The following SHANK2 variants were observed in gnomAD, a reference collection of about 807,000 sequenced individuals.
SHANK2 encodes the protein SH3 and multiple ankyrin repeat domains 2.
Under a neutral mutation model 133.7 loss-of-function variants are expected in SHANK2, and 43 were observed. That is an observed-to-expected ratio of 0.32 (90% CI 0.25 to 0.41). The LOEUF (loss-of-function observed/expected upper bound fraction) is 0.41, where lower values mean the gene tolerates loss of function less well. Ranked by LOEUF, SHANK2 falls within the 10% of genes least tolerant of loss-of-function variation. The probability of loss-of-function intolerance (pLI) is 1.00; values close to 1 mark genes in which losing one functional copy is unlikely to be tolerated. For missense variants in SHANK2, 1,994 were observed against 2,235.8 expected (o/e 0.89, Z 2.18); for synonymous variants, 1,017 against 952.8 (o/e 1.07, Z -1.24).
At chr11:71,201,618 C>G (rs1954021936) in intron 2 of SHANK2, among the ~76,000 whole-genome samples, 1 of 152,208 alleles carries the variant, frequency 6.6e-6, no homozygotes, top group Non-Finnish European at 1.5e-5. Context: ...TAAGATAAAT[C>G]CAGTGACTAT....
intron 23 of SHANK2, chr11:70,490,042 C>T (rs1555155344): frequency 2.3e-6 from 1 of 426,252 alleles, no homozygotes; most frequent in African/African-American, 2.0e-5. Context: ...ACAGAAGCCA[C>T]CCTAGATTTT....
intron 2 of SHANK2, among the ~76,000 whole-genome samples, chr11:71,218,691 C>A (rs1954469467): frequency 6.6e-6 from 1 of 152,178 alleles, no homozygotes; most frequent in African/African-American, 2.4e-5. Context: ...CACACCCAAT[C>A]TCCATCAACT....
At chr11:71,142,807 T>A (rs1952581637) in intron 3 of SHANK2, among the ~76,000 whole-genome samples, 1 of 141,220 alleles carries the variant, frequency 7.1e-6, no homozygotes, top group Non-Finnish European at 1.5e-5. Context: ...TTTAGGAATC[T>A]AGTCCAAAAA....
At chr11:71,206,693 T>G (rs1954133173) in intron 2 of SHANK2, among the ~76,000 whole-genome samples, 1 of 152,170 alleles carries the variant, frequency 6.6e-6, no homozygotes, top group Non-Finnish European at 1.5e-5. Context: ...CCCAGCATTT[T>G]GCAAGGCCGA....
At chr11:70,507,187 C>T (rs2059147364) in intron 17 of SHANK2, among the ~76,000 whole-genome samples, 1 of 152,208 alleles carries the variant, frequency 6.6e-6, no homozygotes, top group Admixed American at 6.5e-5. Flanking sequence ...GCCTCCTGGG[C>T]CCTGACGTCA....
chr11:70,794,180 C>T (rs576478556), intron 14 of SHANK2, among the ~76,000 whole-genome samples: 1 of 150,738 alleles, frequency 6.6e-6, no homozygotes, highest in South Asian at 2.1e-4. Context: ...ACTAGGGAGG[C>T]TGAGGCATGA....
intron 15 of SHANK2, among the ~76,000 whole-genome samples, chr11:70,680,982 C>T (rs1243393717): frequency 6.6e-6 from 1 of 152,166 alleles, no homozygotes; most frequent in Non-Finnish European, 1.5e-5. Flanking sequence ...TGAACCATCC[C>T]CGTCAATGCT....
chr11:70,642,905 T>C (rs1298617963), intron 17 of SHANK2, among the ~76,000 whole-genome samples: 2 of 152,226 alleles, frequency 1.3e-5, no homozygotes, highest in African/African-American at 2.4e-5. Flanking sequence ...CAGTTAATAA[T>C]AATTTATTGC....
intron 8 of SHANK2, among the ~76,000 whole-genome samples, chr11:71,086,386 TATG>T (rs1344182666): frequency 1.5e-5 from 2 of 130,244 alleles, no homozygotes; most frequent in East Asian, 4.4e-4. Context: ...ATTTATAATA[TATG>T]ATATATGATA....
At chr11:70,693,290 A>G (rs1467685088) in intron 15 of SHANK2, among the ~76,000 whole-genome samples, 1 of 152,140 alleles carries the variant, frequency 6.6e-6, no homozygotes, top group African/African-American at 2.4e-5. Flanking sequence ...GTGCGAGAAG[A>G]CCCAACTCTT....
rs117107176 is a variant in SHANK2, at chr11:70,537,977, C to A, written c.2062-35046G>T. Among the ~76,000 whole-genome samples the A allele has an allele frequency of 8.4e-4, 128 of 152,320 alleles. No individual in the cohort carries two copies. The East Asian group carries it at 0.02, about 23-fold the overall frequency. ...TTTACATTGAGAGGGCAGCGAGAGA[C>A]CCCATGAGTGTCACAAAACAGTGAT... On this transcript the variant is annotated intron_variant, in intron 17 of 25. Coordinates refer to ENST00000601538, the MANE Select transcript of SHANK2 (RefSeq NM_012309.5).
At chr11:71,212,535 T>G (rs1408631545) in intron 2 of SHANK2, among the ~76,000 whole-genome samples, 1 of 152,184 alleles carries the variant, frequency 6.6e-6, no homozygotes, top group Non-Finnish European at 1.5e-5. Context: ...ATGTGGCTGT[T>G]TCCAGGGGCT....
chr11:70,698,990 A>G (rs1945461979), intron 14 of SHANK2, among the ~76,000 whole-genome samples: 1 of 152,182 alleles, frequency 6.6e-6, no homozygotes, highest in South Asian at 2.1e-4. Flanking sequence ...AGTCAGGAGC[A>G]CTACTCCCTA....
chr11:70,931,515 C>T (rs974337082), intron 10 of SHANK2, among the ~76,000 whole-genome samples: 5 of 152,312 alleles, frequency 3.3e-5, no homozygotes, highest in African/African-American at 9.6e-5. Flanking sequence ...GGCGTGGCCA[C>T]GGCAAGTCAG....
In SHANK2 at chr11:70,487,056, G is replaced by T. The variant is rs782694495; in HGVS notation, c.3237C>A (p.Ala1079=). ...DESLTVSSPF[A]AAIAGAVRDR... ...CGCGGACGGCTCCGGCGATGGCGGC[G>T]GCAAAGGGGCTGCTGACGGTCAGGC... Residue 1079 remains alanine, a synonymous_variant, in exon 25 of 26, where the codon GCC becomes GCA. Coordinates refer to ENST00000601538, the MANE Select transcript of SHANK2 (RefSeq NM_012309.5). The surrounding 1 kb of genome is among the most constrained non-coding windows in gnomAD (Gnocchi z 5.8). 1 of 1,608,974 alleles carries T rather than the reference G, an allele frequency of 6.2e-7. No individual in the cohort carries two copies. Among genetic ancestry groups the T allele is most frequent in the Non-Finnish European group, 8.5e-7 (1 of 1,179,692 alleles).
intron 9 of SHANK2, among the ~76,000 whole-genome samples, chr11:71,068,494 G>A (rs1006842277): frequency 1.6e-4 from 25 of 152,308 alleles, no homozygotes; most frequent in African/African-American, 5.8e-4. Context: ...CCATGACTGT[G>A]TATTTGGCGA....
chr11:70,506,753 A>G (rs2059142496), intron 17 of SHANK2, among the ~76,000 whole-genome samples: 1 of 152,098 alleles, frequency 6.6e-6, no homozygotes, highest in African/African-American at 2.4e-5. Flanking sequence ...CAGAATCAGC[A>G]TATTATTGGG....
At chr11:70,624,539 A>G (rs1357563622) in intron 17 of SHANK2, among the ~76,000 whole-genome samples, 2 of 152,006 alleles carry the variant, frequency 1.3e-5, no homozygotes, top group Non-Finnish European at 2.9e-5. Flanking sequence ...CTTCAAAAAA[A>G]AAAAAAAGAA....
chr11:70,580,639 C>T (rs1468586423), intron 17 of SHANK2, among the ~76,000 whole-genome samples: 3 of 152,326 alleles, frequency 2.0e-5, no homozygotes, highest in Non-Finnish European at 2.9e-5. Context: ...CCAAGGACAG[C>T]GCCGTGGCAC....
Sources: allele counts gnomAD v4.1 joint callset (sites outside exome capture counted in the v4.1 genomes callset), GRCh38; gene constraint gnomAD v4.1.1; non-coding constraint Gnocchi (gnomAD v3.1); transcripts MANE v1.5; gene names NCBI Gene and HGNC (gene_info 2026-07-23, HGNC 2026-07-21).